The following UNC13A variants were observed in gnomAD, a reference collection of about 807,000 sequenced individuals.
UNC13A encodes the protein protein unc-13 homolog A.
In UNC13A, 61 loss-of-function variants were observed where a neutral mutation model predicts 219.7. That is an observed-to-expected ratio of 0.28 (90% CI 0.23 to 0.34). UNC13A has a LOEUF of 0.34. UNC13A is among the 10% of genes least tolerant of loss of function. The probability of loss-of-function intolerance (pLI) is 1.00; values close to 1 mark genes in which losing one functional copy is unlikely to be tolerated. For missense variants in UNC13A, 1,476 were observed against 2,270.3 expected, an observed-to-expected ratio of 0.65 and a Z score of 7.11; for synonymous variants, 920 against 884.6, an observed-to-expected ratio of 1.04 and a Z score of -0.71.
At chr19:17,624,808 C>T (rs375796390) in intron 35 of UNC13A, 21 bp downstream of exon 35, 301 of 1,604,488 alleles carry the variant, frequency 1.9e-4, no homozygotes, top group Non-Finnish European at 2.4e-4. Flanking sequence ...AATGTCCCCT[C>T]GGGCCCCCTG....
In UNC13A at chr19:17,665,903, C is replaced by T. The variant is rs117391185; in HGVS notation, c.523+747G>A. Among the ~76,000 whole-genome samples, 19 of 152,070 alleles carry T rather than the reference C, an allele frequency of 1.2e-4. No individual in the cohort carries two copies. The East Asian group carries it at 2.9e-3, about 23-fold the overall frequency. On this transcript the variant is annotated intron_variant, in intron 7 of 43. Coordinates refer to ENST00000519716, the MANE Select transcript of UNC13A (RefSeq NM_001080421.3). ...CTCAGAGTGAGGGGGCTGTCAGATG[C>T]GCTATTTCAAAGAGAGGGCCCCTAA...
chr19:17,608,797 TGA>T (rs2076569263), intron 43 of UNC13A, among the ~76,000 whole-genome samples: 1 of 151,958 alleles, frequency 6.6e-6, no homozygotes, highest in Non-Finnish European at 1.5e-5. Context: ...ATTACAGGTG[TGA>T]GCCACCACAC....
intron 19 of UNC13A, among the ~76,000 whole-genome samples, chr19:17,644,281 C>CTTCCT (rs2077000772): frequency 6.7e-6 from 1 of 150,308 alleles, no homozygotes; most frequent in African/African-American, 2.5e-5. Context: ...TTCAACCTCC[C>CTTCCT]AGGTACAAAT....
intron 4 of UNC13A, among the ~76,000 whole-genome samples, chr19:17,670,861 G>A (rs1170052211): frequency 1.3e-5 from 2 of 150,972 alleles, no homozygotes; most frequent in East Asian, 3.9e-4. Flanking sequence ...CCAAGATTGT[G>A]CCATTGCACT....
In UNC13A at chr19:17,649,042, G is replaced by C; in HGVS notation, c.1525-59C>G. The C allele has an allele frequency of 6.6e-7, 1 of 1,516,574 alleles. No individual in the cohort carries two copies. The highest frequency in any genetic ancestry group is 8.9e-7 in the Non-Finnish European group (1 of 1,124,148). The allele number at this position is 1,516,574 out of a possible 1,614,324, so 93.9% of individuals were successfully genotyped here. On this transcript the variant is annotated intron_variant, in intron 14 of 43. Transcript: ENST00000519716. This position sits in a 1 kb window ranked among gnomAD's most constrained non-coding sequence, Gnocchi z 4.4. ...TTGACATCCATGAGATCACCACCAG[G>C]AGAGTTCACAGCCACGGATGGGGCC... is the stretch of plus-strand genomic sequence containing the variant.
chr19:17,655,540 C>A (rs893161690), intron 10 of UNC13A, among the ~76,000 whole-genome samples, 158 bp from the exon 11 acceptor site: 3 of 152,088 alleles, frequency 2.0e-5, no homozygotes, highest in African/African-American at 7.2e-5. Flanking sequence ...CACCTCAGTG[C>A]CCCTCACCCC....
In UNC13A at chr19:17,666,587, C is replaced by A. The variant is rs374145447; in HGVS notation, c.523+63G>T. 10 of 1,302,238 alleles carry A rather than the reference C, an allele frequency of 7.7e-6. No individual in the cohort carries two copies. In the African/African-American group the frequency reaches 1.5e-4, roughly 20 times the overall value. 80.7% of individuals were successfully genotyped at this position (1,302,238 alleles called of 1,614,324 possible). A position where few individuals can be genotyped will look rare whatever the true frequency, so the allele number is the denominator to read the frequency against. ...TGGAGGAGCCTTTAGACAGGACAGT[C>A]ATGGGGTAGGGGAGGGATGAGGATT... On this transcript the variant is annotated intron_variant, in intron 7 of 43. Transcript: ENST00000519716.
Position 17,629,299 on chromosome 19 carries a change from A to G in UNC13A, c.3694T>C (p.Tyr1232His), listed in dbSNP as rs1241057766. 1 of 1,612,224 alleles carries G rather than the reference A, an allele frequency of 6.2e-7. No homozygotes were observed. The highest frequency in any genetic ancestry group is 8.5e-7 in the Non-Finnish European group (1 of 1,179,292). ...AKTISNVLLQ[Y>H]ADIISKDFAS... The stretch of plus-strand genomic sequence containing the variant: ...AAGTCCTTGGAGATGATGTCTGCAT[A>G]CTGGAGGAGCACATTACTGATGGTC... The change falls in exon 31 of 44, where the codon TAT becomes CAT. Residue 1232 changes from tyrosine (Y) to histidine (H), a missense_variant. Tyr to His is a moderately conservative substitution (Grantham distance 83). Transcript: ENST00000519716.
chr19:17,629,574 G>A (rs1250030856), intron 30 of UNC13A, among the ~76,000 whole-genome samples: 2 of 152,130 alleles, frequency 1.3e-5, no homozygotes, highest in East Asian at 3.9e-4. Flanking sequence ...TATTAACCCA[G>A]CCTCAACCAC....
rs761622726 is a variant in UNC13A at position 17,610,044 on chromosome 19, G to T, written c.4707C>A (p.Ile1569=). Residue 1569 remains isoleucine (I), a synonymous_variant, in exon 43 of 44, where the codon ATC becomes ATA. Coordinates refer to ENST00000519716, the MANE Select transcript of UNC13A (RefSeq NM_001080421.3). The stretch of plus-strand genomic sequence containing the variant: ...GCTGGGGCCCAATGATGTTGACCTC[G>T]ATGAACGGCCGGAAGATGCCAGAAG... The part of the protein sequence containing the change: ...WQTSGIFRPF[I]EVNIIGPQLS... The T allele has an allele frequency of 1.2e-6, 2 of 1,614,050 alleles. No individual in the cohort carries two copies. The highest frequency in any genetic ancestry group is 1.7e-6 in the Non-Finnish European group (2 of 1,179,904).
At position 17,603,472 on chromosome 19, in the gene UNC13A, T is replaced by G. The variant is rs1400643069; in HGVS notation, c.*2582A>C. Reference sequence around the variant, plus strand: ...TTCGAAATTCACATCTGCTCCTCAGTCCATATAACAGTCACATAAGCTTAT... The same window carrying G: ...TTCGAAATTCACATCTGCTCCTCAGGCCATATAACAGTCACATAAGCTTAT... On this transcript the variant is annotated 3_prime_UTR_variant, in exon 44 of 44. Transcript: ENST00000519716. 6.6e-6 allele frequency: 1 copy of G among 152,224 alleles called. No homozygotes were observed. Among genetic ancestry groups the G allele is most frequent in the Non-Finnish European group, 1.5e-5 (1 of 68,062 alleles). The allele number at this position is 152,224 out of a possible 1,614,324, so 9.4% of individuals were successfully genotyped here. A position where few individuals can be genotyped will look rare whatever the true frequency, so the allele number is the denominator to read the frequency against.
rs752864496 is a variant in UNC13A at position 17,647,239 on chromosome 19, C to T, written c.2044+26G>A. The T allele has an allele frequency of 2.3e-5, 35 of 1,543,018 alleles. No individual in the cohort carries two copies. In the Middle Eastern group the frequency reaches 8.5e-4, roughly 37 times the overall value. ...GTCTCAGAGGGTGGAGAAGGAGGGGCCCTATGGCGGCCCACGCCCCCTCAC... is the reference window on the plus strand; with the variant it reads ...GTCTCAGAGGGTGGAGAAGGAGGGGTCCTATGGCGGCCCACGCCCCCTCAC... On this transcript the variant is annotated intron_variant, in intron 17 of 43. Coordinates refer to ENST00000519716, the MANE Select transcript of UNC13A (RefSeq NM_001080421.3).
intron 1 of UNC13A, among the ~76,000 whole-genome samples, chr19:17,680,827 C>A (rs1054438098): frequency 6.7e-6 from 1 of 148,662 alleles, no homozygotes; most frequent in Non-Finnish European, 1.5e-5. Flanking sequence ...ATTTGAATAC[C>A]CTGGATTCTT....
At position 17,627,645 on chromosome 19, in the gene UNC13A, T is replaced by A. The variant is rs371588398; in HGVS notation, c.3832-48A>T. The A allele has an allele frequency of 5.4e-6, 8 of 1,472,640 alleles. No individual in the cohort carries two copies. Among genetic ancestry groups the A allele is most frequent in the Non-Finnish European group, 7.5e-6 (8 of 1,073,390 alleles). The allele number at this position is 1,472,640 out of a possible 1,614,324, so 91.2% of individuals were successfully genotyped here. A position where few individuals can be genotyped will look rare whatever the true frequency, so the allele number is the denominator to read the frequency against. On this transcript the variant is annotated intron_variant, in intron 32 of 43. Coordinates refer to ENST00000519716, the MANE Select transcript of UNC13A (RefSeq NM_001080421.3). This position sits in a 1 kb window ranked among gnomAD's most constrained non-coding sequence, Gnocchi z 4.7. Reference sequence around the variant, plus strand: ...AGGCCAGGTTCAGTAAGTATCCACATGTACTGGGCATTTTCTCATCTGACC... The same window carrying A: ...AGGCCAGGTTCAGTAAGTATCCACAAGTACTGGGCATTTTCTCATCTGACC...
chr19:17,687,889 T>A (rs1252951720), intron 1 of UNC13A, among the ~76,000 whole-genome samples: 1 of 152,012 alleles, frequency 6.6e-6, no homozygotes, highest in African/African-American at 2.4e-5. Context: ...TCTAGATCGT[T>A]TCCGGGTAGA....
In UNC13A at chr19:17,655,364, A is replaced by G. The variant is rs2079431143; in HGVS notation, c.1302T>C (p.Asp434=). Residue 434 remains aspartate, a synonymous_variant, in exon 11 of 44, where the codon GAT becomes GAC. Coordinates refer to ENST00000519716, the MANE Select transcript of UNC13A (RefSeq NM_001080421.3). ...KDEESFRPRE[D]EEGQEGQDSM... ...AGTCCTGCCCCTCCTGGCCTTCCTC[A>G]TCCTCTCTCGGCCTGAAACTGAGGC... is the stretch of plus-strand genomic sequence containing the variant. 6.9e-6 allele frequency: 11 copies of G among 1,585,578 alleles called. No individual in the cohort carries two copies. In the East Asian group the frequency reaches 2.5e-4, roughly 36 times the overall value.
chr19:17,631,869 C>T (rs772034908), intron 28 of UNC13A, among the ~76,000 whole-genome samples: 14 of 152,324 alleles, frequency 9.2e-5, no homozygotes, highest in Middle Eastern at 3.4e-3. Flanking sequence ...TTCGGCCTCC[C>T]GAGTAGCTGG....
chr19:17,624,746 C>T lies in UNC13A; in HGVS notation c.4197+83G>A, dbSNP rs1363667175. ...GAGACCGGATGCCTTTGTTCTTACC[C>T]CCCAGCCTCTAGGCACCAAGTTTTC... On this transcript the variant is annotated intron_variant, in intron 35 of 43. Coordinates refer to ENST00000519716, the MANE Select transcript of UNC13A (RefSeq NM_001080421.3). The T allele has an allele frequency of 2.6e-6, 4 of 1,510,582 alleles. No individual in the cohort carries two copies. The East Asian group carries it at 7.0e-5, about 27-fold the overall frequency. The allele number at this position is 1,510,582 out of a possible 1,614,324, so 93.6% of individuals were successfully genotyped here. A position where few individuals can be genotyped will look rare whatever the true frequency, so the allele number is the denominator to read the frequency against.
In UNC13A at chr19:17,604,201, C is replaced by A. The variant is rs1240731041; in HGVS notation, c.*1853G>T. On this transcript the variant is annotated 3_prime_UTR_variant, in exon 44 of 44. Coordinates refer to ENST00000519716, the MANE Select transcript of UNC13A (RefSeq NM_001080421.3). ...ACCTCTCCTCACTGGTTTTAGTCTTCACAAAACAGCTTTTGCAGGCTGGAA... is the reference window on the plus strand; with the variant it reads ...ACCTCTCCTCACTGGTTTTAGTCTTAACAAAACAGCTTTTGCAGGCTGGAA... The A allele has an allele frequency of 6.6e-6, 1 of 152,242 alleles. No homozygotes were observed. The highest frequency in any genetic ancestry group is 1.5e-5 in the Non-Finnish European group (1 of 68,064). 9.4% of individuals were successfully genotyped at this position (152,242 alleles called of 1,614,324 possible).
Sources: allele counts gnomAD v4.1 joint callset (sites outside exome capture counted in the v4.1 genomes callset), GRCh38; gene constraint gnomAD v4.1.1; non-coding constraint Gnocchi (gnomAD v3.1); transcripts MANE v1.5; gene names NCBI Gene and HGNC (gene_info 2026-07-23, HGNC 2026-07-21).